The following TM9SF3 variants were observed in gnomAD, a reference collection of about 807,000 sequenced individuals.
TM9SF3 encodes SM-11044-binding protein.
Under a neutral mutation model 78.6 loss-of-function variants are expected in TM9SF3, and 14 were observed. The observed-to-expected ratio is 0.18, with a 90% CI of 0.12 to 0.28. TM9SF3 has a LOEUF of 0.28. TM9SF3 is among the 10% of genes least tolerant of loss of function. TM9SF3 has a pLI of 1.00. For missense variants in TM9SF3, 496 were observed against 721.9 expected (o/e 0.69, Z 3.59); for synonymous variants, 231 against 241.7 (o/e 0.96, Z 0.41).
Position 96,522,299 on chromosome 10 carries a change from A to C in TM9SF3, c.1734T>G (p.Phe578Leu). 1 of 1,583,998 alleles carries C rather than the reference A, an allele frequency of 6.3e-7. No homozygotes were observed. Among genetic ancestry groups the C allele is most frequent in the South Asian group, 1.2e-5 (1 of 84,324 alleles). Residue 578 changes from phenylalanine (F) to leucine (L), a missense_variant, in exon 15 of 15, where the codon TTT becomes TTG. By Grantham distance (22) the Phe-to-Leu change is conservative. Coordinates refer to ENST00000371142, the MANE Select transcript of TM9SF3 (RefSeq NM_020123.4). ...TCACATTAGTATAGATTTTTCGGAC[A>C]AAGGCACTTGTTCCCATGTAACCAA... ...GAIGYMGTSA[F>L]VRKIYTNVKI... is the part of the protein sequence containing the mutation.
intron 14 of TM9SF3, among the ~76,000 whole-genome samples, chr10:96,524,278 A>T (rs567301439): frequency 6.6e-6 from 1 of 151,922 alleles, no homozygotes; most frequent in African/African-American, 2.4e-5. Context: ...ACAATATTAC[A>T]TTTTAAAATA....
rs114827077 is a variant in TM9SF3, at chr10:96,561,946, T to C, written c.582+32A>G. 4.4e-4 allele frequency: 684 copies of C among 1,571,650 alleles called. 2 individuals are homozygous for C. In the African/African-American group the frequency reaches 6.0e-3, roughly 14 times the overall value. On this transcript the variant is annotated intron_variant, in intron 4 of 14. Coordinates refer to ENST00000371142, the MANE Select transcript of TM9SF3 (RefSeq NM_020123.4). ...ATTGTTGACATCGGGTCACAAACAC[T>C]ACTTCCTACATTAAACTATTTGAAT...
chr10:96,535,344 T>A (rs1197533015), intron 9 of TM9SF3, among the ~76,000 whole-genome samples: 1 of 152,142 alleles, frequency 6.6e-6, no homozygotes, highest in East Asian at 1.9e-4. Context: ...AAAATTCACA[T>A]GGAATGAACT....
intron 3 of TM9SF3, 77 bp from the exon 4 acceptor site, chr10:96,562,215 AGTT>A: frequency 1.6e-5 from 15 of 952,974 alleles, no homozygotes; most frequent in Non-Finnish European, 2.2e-5. Context: ...ATGCTCATTA[AGTT>A]TTTTTTTTTT....
chr10:96,581,415 T>C (rs1420630023), intron 1 of TM9SF3, among the ~76,000 whole-genome samples: 3 of 152,210 alleles, frequency 2.0e-5, no homozygotes, highest in Admixed American at 2.0e-4. Flanking sequence ...ATATATGTGT[T>C]TACTTCAAAA....
At position 96,559,746 on chromosome 10, in the gene TM9SF3, AT is replaced by A. The variant is rs762551132; in HGVS notation, c.583-11del. 8 of 1,504,532 alleles carry A rather than the reference AT, an allele frequency of 5.3e-6. No homozygotes were observed. The highest frequency in any genetic ancestry group is 7.2e-6 in the Non-Finnish European group (8 of 1,113,440). The allele number at this position is 1,504,532 out of a possible 1,614,324, so 93.2% of individuals were successfully genotyped here. On this transcript the variant is annotated splice_polypyrimidine_tract_variant and intron_variant, in intron 4 of 14. Coordinates refer to ENST00000371142, the MANE Select transcript of TM9SF3 (RefSeq NM_020123.4). Reference sequence around the variant, plus strand: ...ACTTTTTCCATTTTACCTAAAAAAAATTTTTTCATTTGAAAATAAAGGCCAG... The same window carrying A: ...ACTTTTTCCATTTTACCTAAAAAAAATTTTTCATTTGAAAATAAAGGCCAG...
Position 96,586,885 on chromosome 10 carries a change from C to G in TM9SF3, c.-50G>C. Reference sequence around the variant, plus strand: ...CCGGCTCACCGACTCCTCCTCCCGCCGCCGCCTCCTCCGCCGCCGCCGCCT... The same window carrying G: ...CCGGCTCACCGACTCCTCCTCCCGCGGCCGCCTCCTCCGCCGCCGCCGCCT... On this transcript the variant is annotated 5_prime_UTR_variant, in exon 1 of 15. Coordinates refer to ENST00000371142, the MANE Select transcript of TM9SF3 (RefSeq NM_020123.4). The G allele has an allele frequency of 3.1e-6, 3 of 978,822 alleles. No individual in the cohort carries two copies. Among genetic ancestry groups the G allele is most frequent in the Non-Finnish European group, 3.8e-6 (3 of 786,260 alleles). The allele number at this position is 978,822 out of a possible 1,614,324, so 60.6% of individuals were successfully genotyped here. A position where few individuals can be genotyped will look rare whatever the true frequency, so the allele number is the denominator to read the frequency against.
intron 1 of TM9SF3, among the ~76,000 whole-genome samples, chr10:96,581,839 G>C (rs1342382439): frequency 1.3e-5 from 2 of 152,170 alleles, no homozygotes; most frequent in Admixed American, 1.3e-4. Context: ...AACGATTCTA[G>C]TAGGCATCCA....
In TM9SF3 at chr10:96,522,334, C is replaced by A. The variant is rs896028648; in HGVS notation, c.1703-4G>T. On this transcript the variant is annotated splice_region_variant and splice_polypyrimidine_tract_variant and intron_variant, in intron 14 of 14. Transcript: ENST00000371142. ...GTTCCCATGTAACCAATCGCTCCTG[C>A]AAAGATAAAATAAGATGTTTTGAAA... 3.2e-6 allele frequency: 5 copies of A among 1,563,046 alleles called. No individual in the cohort carries two copies. The highest frequency in any genetic ancestry group is 1.4e-5 in the African/African-American group (1 of 70,964).
chr10:96,587,007 GCTCCTGAGCCTCCCCCGCCCCCCGCGC>G, exon 1 of TM9SF3: 3 of 342,904 alleles, frequency 8.7e-6, no homozygotes, highest in South Asian at 3.6e-4. Flanking sequence ...GTCACCGCCC[GCTCCTGAGCCTCCCCCGCCCCCCGCGC>G]CTCCTCAGCC....
chr10:96,581,296 T>C (rs946073084), intron 1 of TM9SF3, among the ~76,000 whole-genome samples: 1 of 146,660 alleles, frequency 6.8e-6, no homozygotes, highest in Non-Finnish European at 1.5e-5. Flanking sequence ...GCTGACGTGG[T>C]CATGTGAAAT....
chr10:96,540,967 G>A lies in TM9SF3; in HGVS notation c.1185+3109C>T, dbSNP rs556957064. Among the ~76,000 whole-genome samples the A allele has an allele frequency of 2.0e-3, 306 of 151,578 alleles. 1 individual carries two copies. Among genetic ancestry groups the A allele is most frequent in the African/African-American group, 6.2e-3 (255 of 41,322 alleles). On this transcript the variant is annotated intron_variant, in intron 9 of 14. Coordinates refer to ENST00000371142, the MANE Select transcript of TM9SF3 (RefSeq NM_020123.4). ...TAATTTTTGTATTTTTAGTAGAGAC[G>A]GGGTTTCACCACATTGGCCATGGTG...
At position 96,518,913 on chromosome 10, in the gene TM9SF3, C is replaced by T. The variant is rs1297736504; in HGVS notation, c.*3350G>A. On this transcript the variant is annotated 3_prime_UTR_variant, in exon 15 of 15. Transcript: ENST00000371142. ...ATTAATGAATACTTGTGTTTTAATA[C>T]ATCACTACTCCTATTTATTACATGT... The T allele has an allele frequency of 2.0e-5, 3 of 151,970 alleles. No individual in the cohort carries two copies. Among genetic ancestry groups the T allele is most frequent in the Admixed American group, 2.0e-4 (3 of 15,242 alleles). 9.4% of individuals were successfully genotyped at this position (151,970 alleles called of 1,614,324 possible). A position where few individuals can be genotyped will look rare whatever the true frequency, so the allele number is the denominator to read the frequency against.
At chr10:96,563,821 TA>T (rs1848338116) in intron 3 of TM9SF3, among the ~76,000 whole-genome samples, 1 of 151,932 alleles carries the variant, frequency 6.6e-6, no homozygotes, top group Non-Finnish European at 1.5e-5. Flanking sequence ...AAAAGTCAGG[TA>T]CAAAGTTGTT....
In TM9SF3 at chr10:96,548,789, C is replaced by T. The variant is rs373166997; in HGVS notation, c.960-800G>A. On this transcript the variant is annotated intron_variant, in intron 7 of 14. Transcript: ENST00000371142. ...CTCCAGCCTGGATGTCAAAGCAAGA[C>T]TCCATCTCAAAAAAAAAAAAAAAAA... Among the ~76,000 whole-genome samples, 275 of 121,542 alleles carry T rather than the reference C, an allele frequency of 2.3e-3. 3 individuals are homozygous for T. Among genetic ancestry groups the T allele is most frequent in the African/African-American group, 8.7e-3 (266 of 30,594 alleles). 79.7% of individuals were successfully genotyped at this position (121,542 alleles called of 152,430 possible).
intron 2 of TM9SF3, among the ~76,000 whole-genome samples, chr10:96,573,655 C>T (rs1441113601): frequency 6.6e-6 from 1 of 152,140 alleles, no homozygotes; most frequent in African/African-American, 2.4e-5. Context: ...AATAATCTCT[C>T]CATCTCAGCC....
At position 96,559,745 on chromosome 10, in the gene TM9SF3, A is replaced by T. The variant is rs957759515; in HGVS notation, c.583-9T>A. On this transcript the variant is annotated splice_polypyrimidine_tract_variant and intron_variant, in intron 4 of 14. Transcript: ENST00000371142. ...GACTTTTTCCATTTTACCTAAAAAA[A>T]ATTTTTTCATTTGAAAATAAAGGCC... 24 of 1,540,756 alleles carry T rather than the reference A, an allele frequency of 1.6e-5. No homozygotes were observed. The highest frequency in any genetic ancestry group is 4.6e-5 in the East Asian group (2 of 43,040).
Position 96,560,725 on chromosome 10 carries a change from A to G in TM9SF3, c.583-989T>C, listed in dbSNP as rs1848296990. Reference sequence around the variant, plus strand: ...GAAACTAAAGAAAAACCACCAGTGAAGAAATCTACATGAGATAATCCAGCC... The same window carrying G: ...GAAACTAAAGAAAAACCACCAGTGAGGAAATCTACATGAGATAATCCAGCC... On this transcript the variant is annotated intron_variant, in intron 4 of 14. Transcript: ENST00000371142. 8.7e-6 allele frequency: 5 copies of G among 576,400 alleles called. No individual in the cohort carries two copies. The Admixed American group carries it at 9.7e-5, about 11-fold the overall frequency. 35.7% of individuals were successfully genotyped at this position (576,400 alleles called of 1,614,324 possible).
chr10:96,540,922 T>C (rs760258038), intron 9 of TM9SF3, among the ~76,000 whole-genome samples: 2 of 151,306 alleles, frequency 1.3e-5, no homozygotes, highest in Non-Finnish European at 3.0e-5. Flanking sequence ...GAATTACAAG[T>C]GCCCACCACC....
Sources: allele counts gnomAD v4.1 joint callset (sites outside exome capture counted in the v4.1 genomes callset), GRCh38; gene constraint gnomAD v4.1.1; transcripts MANE v1.5; gene names NCBI Gene and HGNC (gene_info 2026-07-23, HGNC 2026-07-21).